PARD3B: variants seen among roughly 807,000 people sequenced by gnomAD.
The protein encoded by PARD3B is partitioning defective 3 homolog B.
PARD3B carries 103 observed loss-of-function variants against 130.2 expected under a neutral mutation model. That is an observed-to-expected ratio of 0.79 (90% CI 0.67 to 0.93). PARD3B has a LOEUF of 0.93. Ranked by LOEUF, PARD3B falls within the 40% of genes least tolerant of loss-of-function variation. The probability of loss-of-function intolerance (pLI) is 0.00; values close to 1 mark genes in which losing one functional copy is unlikely to be tolerated. For synonymous variants in PARD3B, 583 were observed against 553.2 expected (o/e 1.05, Z -0.76); for missense variants, 1,609 against 1,499.2 (o/e 1.07, Z -1.21).
chr2:204,705,978 T>C (rs2038126543), intron 2 of PARD3B, among the ~76,000 whole-genome samples: 1 of 152,176 alleles, frequency 6.6e-6, no homozygotes, highest in South Asian at 2.1e-4. Flanking sequence ...GTAACAGTTC[T>C]TTGATTGGGT....
chr2:204,764,775 C>A (rs2041071270), intron 2 of PARD3B, among the ~76,000 whole-genome samples: 1 of 146,484 alleles, frequency 6.8e-6, no homozygotes. Flanking sequence ...TTGAAATAGG[C>A]TTGGACAGGA....
At chr2:205,339,934 A>G (rs1299835129) in intron 18 of PARD3B, among the ~76,000 whole-genome samples, 3 of 129,736 alleles carry the variant, frequency 2.3e-5, no homozygotes, top group Non-Finnish European at 5.2e-5. Context: ...TAAAGCAATT[A>G]ATATAGACAA....
At position 205,530,092 on chromosome 2, in the gene PARD3B, CCCA is replaced by C. The variant is rs2051521463; in HGVS notation, c.3181-23227_3181-23225del. Among the ~76,000 whole-genome samples the C allele has an allele frequency of 1.3e-5, 2 of 152,160 alleles. No homozygotes were observed. Among genetic ancestry groups the C allele is most frequent in the Admixed American group, 6.5e-5 (1 of 15,272 alleles). On this transcript the variant is annotated intron_variant, in intron 21 of 22. Coordinates refer to ENST00000406610, the MANE Select transcript of PARD3B (RefSeq NM_001302769.2). The surrounding 1 kb of genome is among the most constrained non-coding windows in gnomAD (Gnocchi z 4.7). ...ATGCTATCCGTAGGGTATGCACATTCCCACCACAAGATGCAAAAGAGTGGCACA... is the reference window on the plus strand; with the variant it reads ...ATGCTATCCGTAGGGTATGCACATTCCCACAAGATGCAAAAGAGTGGCACA...
At chr2:205,009,702 A>G (rs1695564089) in intron 3 of PARD3B, among the ~76,000 whole-genome samples, 9 of 152,182 alleles carry the variant, frequency 5.9e-5, no homozygotes, top group Admixed American at 5.2e-4. Flanking sequence ...GTACACACCA[A>G]CATATTAATA....
chr2:204,558,058 A>C (rs1325710297), intron 1 of PARD3B: 1 of 152,120 alleles, frequency 6.6e-6, no homozygotes, highest in Non-Finnish European at 1.5e-5. Context: ...TACTAAATTG[A>C]GCCTGCCTCC....
chr2:205,280,792 C>A lies in PARD3B; in HGVS notation c.2186-19738C>A, dbSNP rs1295861013. Among the ~76,000 whole-genome samples, 1 of 152,172 alleles carries A rather than the reference C, an allele frequency of 6.6e-6. No homozygotes were observed. The highest frequency in any genetic ancestry group is 1.5e-5 in the Non-Finnish European group (1 of 68,020). On this transcript the variant is annotated intron_variant, in intron 16 of 22. Coordinates refer to ENST00000406610, the MANE Select transcript of PARD3B (RefSeq NM_001302769.2). The surrounding 1 kb of genome is among the most constrained non-coding windows in gnomAD (Gnocchi z 4.7). ...ATTTGTTGAGGCCTAAAGAAGTAAG[C>A]TCTTGATGGATGGGGAACAAACCAA... is the stretch of plus-strand genomic sequence containing the variant.
chr2:204,565,573 C>T (rs184597232), intron 1 of PARD3B, among the ~76,000 whole-genome samples: 7 of 152,100 alleles, frequency 4.6e-5, no homozygotes, highest in Non-Finnish European at 8.8e-5. Flanking sequence ...TCAGAAACAT[C>T]TAAGTATTGA....
At chr2:204,619,454 C>T (rs1367015379) in intron 1 of PARD3B, among the ~76,000 whole-genome samples, 1 of 152,104 alleles carries the variant, frequency 6.6e-6, no homozygotes, top group Non-Finnish European at 1.5e-5. Flanking sequence ...TAGTATCAAA[C>T]AGTTTTATAT....
chr2:205,460,319 C>A lies in PARD3B; in HGVS notation c.3044+19647C>A, dbSNP rs1286666863. On this transcript the variant is annotated intron_variant, in intron 20 of 22. Transcript: ENST00000406610. This position sits in a 1 kb window ranked among gnomAD's most constrained non-coding sequence, Gnocchi z 4.9. ...TAAACTATATCAGATAAAGGATGCC[C>A]AGAATTTGCTCAGATGTGAGTTTCA... 6.6e-6 allele frequency among the ~76,000 whole-genome samples: 1 copy of A among 151,444 alleles called. No homozygotes were observed. The highest frequency in any genetic ancestry group is 1.5e-5 in the Non-Finnish European group (1 of 67,928).
intron 15 of PARD3B, among the ~76,000 whole-genome samples, chr2:205,237,547 A>G (rs975172656): frequency 2.0e-5 from 3 of 152,100 alleles, no homozygotes; most frequent in African/African-American, 7.2e-5. Flanking sequence ...AGCTTTGGAA[A>G]CTCATAACAT....
rs1003083313 is a variant in PARD3B, at chr2:205,590,036, G to A, written c.3261-25420G>A. 2.6e-5 allele frequency among the ~76,000 whole-genome samples: 4 copies of A among 151,422 alleles called. No individual in the cohort carries two copies. The highest frequency in any genetic ancestry group is 4.9e-5 in the African/African-American group (2 of 40,716). On this transcript the variant is annotated intron_variant, in intron 22 of 22. Transcript: ENST00000406610. The surrounding 1 kb of genome is among the most constrained non-coding windows in gnomAD (Gnocchi z 4.1). ...GTGAATGACCACTGGCTCTTTCTAA[G>A]TATTTTATCCTCTAGTACTTACATT...
intron 4 of PARD3B, among the ~76,000 whole-genome samples, chr2:205,054,851 T>A (rs537342585): frequency 6.6e-6 from 1 of 152,262 alleles, no homozygotes; most frequent in South Asian, 2.1e-4. Flanking sequence ...CAAGCATGTA[T>A]CAGATTATCA....
chr2:205,248,871 T>C (rs1484465113), intron 16 of PARD3B, among the ~76,000 whole-genome samples: 1 of 152,080 alleles, frequency 6.6e-6, no homozygotes, highest in African/African-American at 2.4e-5. Flanking sequence ...CCTCCCAAAG[T>C]GCTGGGATTA....
chr2:204,629,363 G>A (rs1003106537), intron 1 of PARD3B, among the ~76,000 whole-genome samples: 1 of 151,964 alleles, frequency 6.6e-6, no homozygotes, highest in Non-Finnish European at 1.5e-5. Flanking sequence ...TTCTGTATTT[G>A]TGTGAACTTT....
chr2:205,544,904 T>C (rs2052319545), intron 21 of PARD3B, among the ~76,000 whole-genome samples: 1 of 152,230 alleles, frequency 6.6e-6, no homozygotes, highest in Non-Finnish European at 1.5e-5. Context: ...CCCTGACATG[T>C]TGCAAGGAAG....
At chr2:205,612,837 G>C (rs2055283423) in intron 22 of PARD3B, among the ~76,000 whole-genome samples, 1 of 152,162 alleles carries the variant, frequency 6.6e-6, no homozygotes. Flanking sequence ...GTATCTTGAG[G>C]TCTGCCCTAT....
chr2:205,439,970 G>C (rs747634321), intron 19 of PARD3B, among the ~76,000 whole-genome samples: 2 of 152,086 alleles, frequency 1.3e-5, no homozygotes, highest in African/African-American at 2.4e-5. Flanking sequence ...AGAAAAACTA[G>C]AGGATTTTGA....
intron 2 of PARD3B, among the ~76,000 whole-genome samples, chr2:204,913,453 G>T (rs1054509649): frequency 6.6e-6 from 1 of 152,134 alleles, no homozygotes; most frequent in Non-Finnish European, 1.5e-5. Context: ...AGTTCTCATG[G>T]TTCCCAAATG....
chr2:205,370,181 G>A (rs944591393), intron 18 of PARD3B, among the ~76,000 whole-genome samples: 2 of 152,194 alleles, frequency 1.3e-5, no homozygotes, highest in African/African-American at 2.4e-5. Context: ...AGTGAAAATA[G>A]TAATATGTTG....
Sources: allele counts gnomAD v4.1 joint callset (sites outside exome capture counted in the v4.1 genomes callset), GRCh38; gene constraint gnomAD v4.1.1; non-coding constraint Gnocchi (gnomAD v3.1); transcripts MANE v1.5; gene names NCBI Gene and HGNC (gene_info 2026-07-23, HGNC 2026-07-21).